Variants in PSMA1 observed in about 807,000 individuals in gnomAD.
The protein encoded by PSMA1 is proteasome 20S subunit alpha 1, also known as proteasome subunit alpha type-1.
In PSMA1, 3 loss-of-function variants were observed where a neutral mutation model predicts 38.4. The ratio of observed to expected loss-of-function variants is 0.08; its 90% CI spans 0.04 to 0.20. The LOEUF is 0.20. Among genes scored for constraint, PSMA1 ranks in the 10% least tolerant of loss-of-function variants. The pLI is 1.00. For missense variants in PSMA1, 227 were observed against 325.3 expected (o/e 0.70, Z 2.32); for synonymous variants, 101 against 107.1 (o/e 0.94, Z 0.35).
rs112647529 is a variant in PSMA1, at chr11:14,587,209, C to A, written c.21+23757G>T. Reference sequence around the variant, plus strand: ...TCACAGGCTGTCTTGTTCTTTCATTCTTGATAGGTTAAAGCAATGAGAGGC... The same window carrying A: ...TCACAGGCTGTCTTGTTCTTTCATTATTGATAGGTTAAAGCAATGAGAGGC... On this transcript the variant is annotated intron_variant, in intron 2 of 10. Coordinates refer to the PSMA1 transcript ENST00000418988. Among the ~76,000 whole-genome samples, 186 of 152,262 alleles carry A rather than the reference C, an allele frequency of 1.2e-3. 4 individuals carry two copies. In the East Asian group the frequency reaches 0.024, roughly 20 times the overall value.
At chr11:14,595,036 G>A (rs926510879) in intron 2 of PSMA1, among the ~76,000 whole-genome samples, 1 of 151,306 alleles carries the variant, frequency 6.6e-6, no homozygotes, top group Non-Finnish European at 1.5e-5. Flanking sequence ...ATGACAGTTT[G>A]CTGAGAATGG....
chr11:14,585,086 T>G (rs1329381032), intron 2 of PSMA1, among the ~76,000 whole-genome samples: 3 of 152,222 alleles, frequency 2.0e-5, no homozygotes, highest in African/African-American at 7.2e-5. Flanking sequence ...AAGCATCAAT[T>G]ACTCTCTTTA....
intron 2 of PSMA1, among the ~76,000 whole-genome samples, chr11:14,559,411 C>T (rs1851983214): frequency 6.6e-6 from 1 of 152,198 alleles, no homozygotes; most frequent in Non-Finnish European, 1.5e-5. Flanking sequence ...CTCCTGGCAA[C>T]ACTGGAGAGA....
At chr11:14,630,889 C>T (rs1852995553) in intron 1 of PSMA1, among the ~76,000 whole-genome samples, 1 of 151,942 alleles carries the variant, frequency 6.6e-6, no homozygotes, top group South Asian at 2.1e-4. Flanking sequence ...CTGGTTTAGT[C>T]TTGGGAGAGT....
At chr11:14,590,928 C>T (rs1048345941) in intron 2 of PSMA1, among the ~76,000 whole-genome samples, 8 of 152,260 alleles carry the variant, frequency 5.3e-5, no homozygotes, top group Admixed American at 3.3e-4. Context: ...AGTTCTCGCT[C>T]GCTCTAGGCG....
At chr11:14,548,445 C>T (rs914760726) in intron 2 of PSMA1, among the ~76,000 whole-genome samples, 2 of 152,012 alleles carry the variant, frequency 1.3e-5, no homozygotes, top group African/African-American at 4.8e-5. Context: ...TATACACATA[C>T]TTTTACATAC....
At chr11:14,633,109 GATC>G (rs1853052539) in intron 1 of PSMA1, among the ~76,000 whole-genome samples, 1 of 152,072 alleles carries the variant, frequency 6.6e-6, no homozygotes, top group Non-Finnish European at 1.5e-5. Context: ...AGAGTAATTT[GATC>G]ATCTGAAGCC....
chr11:14,576,796 G>C (rs538763586), intron 2 of PSMA1, among the ~76,000 whole-genome samples: 1 of 152,166 alleles, frequency 6.6e-6, no homozygotes, highest in African/African-American at 2.4e-5. Context: ...CTTTAAAGTA[G>C]TTTTTTCCAA....
intron 2 of PSMA1, among the ~76,000 whole-genome samples, chr11:14,594,475 C>A (rs1852462188): frequency 6.6e-6 from 1 of 152,034 alleles, no homozygotes; most frequent in Non-Finnish European, 1.5e-5. Flanking sequence ...TGTAGGTTCC[C>A]ATGCAAAAAA....
exon 2 of PSMA1, chr11:14,611,030 T>A: frequency 6.3e-7 from 1 of 1,589,598 alleles, no homozygotes; most frequent in Non-Finnish European, 8.6e-7. Context: ...ACATACAACA[T>A]AGGTCTGGAT....
chr11:14,522,290 T>A (rs964024282), upstream of PSMA1, among the ~76,000 whole-genome samples: 10 of 152,208 alleles, frequency 6.6e-5, no homozygotes, highest in Non-Finnish European at 1.3e-4. Flanking sequence ...GCAATTCAAT[T>A]GTTTCCAAGT....
At chr11:14,556,046 C>T (rs1418225447) in intron 2 of PSMA1, among the ~76,000 whole-genome samples, 1 of 152,188 alleles carries the variant, frequency 6.6e-6, no homozygotes, top group Non-Finnish European at 1.5e-5. Flanking sequence ...TCCAGGGCAG[C>T]TCTCCAGCTG....
chr11:14,542,947 C>T (rs1851788984), intron 2 of PSMA1, among the ~76,000 whole-genome samples: 1 of 152,058 alleles, frequency 6.6e-6, no homozygotes, highest in Non-Finnish European at 1.5e-5. Context: ...CCTCCGCCTC[C>T]CAGGTTCGAG....
intron 1 of PSMA1, among the ~76,000 whole-genome samples, chr11:14,625,073 A>G (rs2133713731): frequency 6.6e-6 from 1 of 152,330 alleles, no homozygotes; most frequent in East Asian, 1.9e-4. Context: ...AGCCCATAGG[A>G]AACATGGAGG....
At chr11:14,535,510 C>T (rs1258311669) in intron 2 of PSMA1, among the ~76,000 whole-genome samples, 1 of 148,548 alleles carries the variant, frequency 6.7e-6, no homozygotes, top group Non-Finnish European at 1.5e-5. Context: ...ATGGCACGAT[C>T]TCGGCTCACT....
chr11:14,512,819 T>C (rs1565032518), intron 7 of PSMA1, among the ~76,000 whole-genome samples: 1 of 152,254 alleles, frequency 6.6e-6, no homozygotes, highest in Non-Finnish European at 1.5e-5. Flanking sequence ...AGGGGTAACC[T>C]TGGGGACCCC....
upstream of PSMA1, among the ~76,000 whole-genome samples, chr11:14,521,328 G>T (rs142504644): frequency 3.5e-5 from 4 of 115,632 alleles, no homozygotes; most frequent in Non-Finnish European, 5.3e-5. Context: ...ATAAGAATAA[G>T]AATAATAAAA....
intron 4 of PSMA1, among the ~76,000 whole-genome samples, chr11:14,516,412 C>G (rs1333154319): frequency 1.3e-5 from 2 of 152,126 alleles, no homozygotes; most frequent in Non-Finnish European, 2.9e-5. Flanking sequence ...CACTATGTTG[C>G]CCTGGTCTCA....
At chr11:14,513,784 T>A in intron 6 of PSMA1, 33 bp downstream of exon 6, 1 of 1,550,882 alleles carries the variant, frequency 6.4e-7, no homozygotes, top group African/African-American at 1.4e-5. Context: ...TTAAAAAAAA[T>A]CATTAACATA....
Sources: allele counts gnomAD v4.1 joint callset (sites outside exome capture counted in the v4.1 genomes callset), GRCh38; gene constraint gnomAD v4.1.1; transcripts MANE v1.5; gene names NCBI Gene and HGNC (gene_info 2026-07-23, HGNC 2026-07-21).